ACBD5: variants seen among roughly 807,000 people sequenced by gnomAD.
The protein encoded by ACBD5 is acyl-CoA-binding domain-containing protein 5.
Under a neutral mutation model 71.8 loss-of-function variants are expected in ACBD5, and 40 were observed. That is an observed-to-expected ratio of 0.56 (90% CI 0.43 to 0.72). ACBD5 has a LOEUF of 0.72. Among genes scored for constraint, ACBD5 ranks in the 30% least tolerant of loss-of-function variants. The pLI is 0.00. For missense variants in ACBD5, 559 were observed against 644.5 expected (o/e 0.87, Z 1.44); for synonymous variants, 229 against 218.6 (o/e 1.05, Z -0.42).
intron 10 of ACBD5, among the ~76,000 whole-genome samples, chr10:27,207,105 GT>G (rs1343889532): frequency 6.6e-6 from 1 of 151,502 alleles, no homozygotes; most frequent in Non-Finnish European, 1.5e-5. Flanking sequence ...GTGAAGCCCC[GT>G]CTCTACTAAA....
chr10:27,240,295 A>T lies in ACBD5; in HGVS notation c.181+24T>A. 1 of 1,614,070 alleles carries T rather than the reference A, an allele frequency of 6.2e-7. No homozygotes were observed. The highest frequency in any genetic ancestry group is 1.1e-5 in the South Asian group (1 of 91,084). ...TTGGGGCTCTCTGCAGGAGGCGTCT[A>T]CAGCCGGGGCCCAGCGCACGTACCA... On this transcript the variant is annotated intron_variant, in intron 2 of 12. Coordinates refer to ENST00000396271, the MANE Select transcript of ACBD5 (RefSeq NM_145698.5). The surrounding 1 kb of genome is among the most constrained non-coding windows in gnomAD (Gnocchi z 4.1).
intron 3 of ACBD5, among the ~76,000 whole-genome samples, chr10:27,232,827 A>G (rs2064074503): frequency 6.6e-6 from 1 of 152,198 alleles, no homozygotes; most frequent in Non-Finnish European, 1.5e-5. Flanking sequence ...CTCCATTTTT[A>G]TATGTTTTTC....
At chr10:27,228,815 ATTT>A (rs1167438554) in intron 4 of ACBD5, among the ~76,000 whole-genome samples, 17 of 20,364 alleles carry the variant, frequency 8.3e-4, no homozygotes, top group African/African-American at 1.3e-3. Flanking sequence ...ATATATATAT[ATTT>A]TTTTTTTTTT....
Position 27,231,738 on chromosome 10 carries a change from T to A in ACBD5, c.375+10A>T. 1 of 1,613,086 alleles carries A rather than the reference T, an allele frequency of 6.2e-7. No individual in the cohort carries two copies. The highest frequency in any genetic ancestry group is 1.1e-5 in the South Asian group (1 of 91,076). On this transcript the variant is annotated intron_variant, in intron 4 of 12. Transcript: ENST00000396271. The stretch of plus-strand genomic sequence containing the variant: ...GAATTTTCATTTTAACTGTGAATTA[T>A]TTTCCCTACCTTTTTCATTTCTTCA...
intron 4 of ACBD5, among the ~76,000 whole-genome samples, chr10:27,224,212 A>T (rs1307586229): frequency 6.6e-6 from 1 of 151,792 alleles, no homozygotes; most frequent in East Asian, 1.9e-4. Context: ...CAAAAAAAAA[A>T]AAAAAAATTG....
At chr10:27,214,370 A>G (rs74598478) in intron 8 of ACBD5, among the ~76,000 whole-genome samples, 8,444 of 151,740 alleles carry the variant, frequency 0.056, 735 homozygotes, top group African/African-American at 0.19. Context: ...TATTTATTAT[A>G]TTTTTTATAT....
At chr10:27,183,269 TTTGTTGTTG>T (rs4018758) in intron 13 of ACBD5, among the ~76,000 whole-genome samples, 312 of 150,302 alleles carry the variant, frequency 2.1e-3, no homozygotes, top group African/African-American at 4.7e-3. Flanking sequence ...TTAAAATTCT[TTTGTTGTTG>T]TTGTTGTTGT....
At chr10:27,236,654 C>T (rs2064740589) in intron 2 of ACBD5, among the ~76,000 whole-genome samples, 1 of 151,944 alleles carries the variant, frequency 6.6e-6, no homozygotes, top group Non-Finnish European at 1.5e-5. Flanking sequence ...TTTGGGAGGC[C>T]GAGGCAGGCG....
intron 8 of ACBD5, among the ~76,000 whole-genome samples, chr10:27,214,983 G>A (rs887109089): frequency 6.6e-6 from 1 of 152,146 alleles, no homozygotes; most frequent in South Asian, 2.1e-4. Flanking sequence ...GGCCAACATG[G>A]TGAAACTCTG....
downstream of ACBD5, among the ~76,000 whole-genome samples, chr10:27,192,008 C>T (rs2059101277): frequency 2.0e-5 from 3 of 151,996 alleles, no homozygotes; most frequent in South Asian, 6.2e-4. Context: ...ACAAATGAAA[C>T]TGAAACTCCC....
intron 12 of ACBD5, among the ~76,000 whole-genome samples, chr10:27,198,483 C>A (rs2059583235): frequency 6.6e-6 from 1 of 152,198 alleles, no homozygotes; most frequent in African/African-American, 2.4e-5. Context: ...TTATGCAACT[C>A]CTTTGGCAGG....
At chr10:27,240,798 G>A (rs1321628450), upstream of ACBD5, 11 of 1,484,072 alleles carry the variant, frequency 7.4e-6, no homozygotes, top group African/African-American at 4.2e-5. This position sits in a 1 kb window ranked among gnomAD's most constrained non-coding sequence, Gnocchi z 4.1. Context: ...GAGTCCGTCT[G>A]TCAGTCCGTG....
Position 27,208,247 on chromosome 10 carries a change from T to C in ACBD5, c.1403A>G (p.Gln468Arg), listed in dbSNP as rs771953638. The C allele has an allele frequency of 6.8e-6, 11 of 1,614,178 alleles. No homozygotes were observed. The South Asian group carries it at 1.1e-4, about 16-fold the overall frequency. Reference sequence around the variant, plus strand: ...GGTATGATACATTTGGAAGTTTACCTGCAAAGCAGTCAGCGTTTCCAGTTT... The same window carrying C: ...GGTATGATACATTTGGAAGTTTACCCGCAAAGCAGTCAGCGTTTCCAGTTT... ...LQKLETLTAL[Q>R]AKSSTSTLQT... The change falls in exon 10 of 13, where the codon CAG (glutamine) becomes CGG (arginine). Residue 468 changes from glutamine (Q) to arginine (R), a missense_variant and splice_region_variant. By Grantham distance (43) the Gln-to-Arg change is conservative. Transcript: ENST00000396271.
chr10:27,228,315 C>T (rs1162977815), intron 4 of ACBD5, among the ~76,000 whole-genome samples: 1 of 150,308 alleles, frequency 6.7e-6, no homozygotes, highest in Non-Finnish European at 1.5e-5. Context: ...GTGGCTCATG[C>T]CTATAATCCC....
Position 27,240,282 on chromosome 10 carries a change from G to T in ACBD5, c.181+37C>A, listed in dbSNP as rs1299873763. The T allele has an allele frequency of 1.2e-6, 2 of 1,613,940 alleles. No individual in the cohort carries two copies. The highest frequency in any genetic ancestry group is 2.2e-5 in the South Asian group (2 of 91,054). On this transcript the variant is annotated intron_variant, in intron 2 of 12. Coordinates refer to ENST00000396271, the MANE Select transcript of ACBD5 (RefSeq NM_145698.5). The surrounding 1 kb of genome is among the most constrained non-coding windows in gnomAD (Gnocchi z 4.1). Reference sequence around the variant, plus strand: ...GTGAAAGGGGGCTTTGGGGCTCTCTGCAGGAGGCGTCTACAGCCGGGGCCC... The same window carrying T: ...GTGAAAGGGGGCTTTGGGGCTCTCTTCAGGAGGCGTCTACAGCCGGGGCCC...
intron 13 of ACBD5, among the ~76,000 whole-genome samples, chr10:27,189,588 T>C (rs10829205): frequency 0.6 from 78,126 of 130,032 alleles, 23,075 homozygotes; most frequent in Non-Finnish European, 0.64. Flanking sequence ...CACATGGACA[T>C]AGGAAGGGGA....
intron 4 of ACBD5, among the ~76,000 whole-genome samples, chr10:27,223,861 T>C (rs980054858): frequency 2.0e-5 from 3 of 151,664 alleles, no homozygotes; most frequent in African/African-American, 7.3e-5. Context: ...AGTGAGCCAT[T>C]ATGGCACCAC....
chr10:27,207,378 C>A (rs1342037220), intron 10 of ACBD5, among the ~76,000 whole-genome samples: 2 of 151,998 alleles, frequency 1.3e-5, no homozygotes, highest in African/African-American at 2.4e-5. Flanking sequence ...GAGTAACTTA[C>A]TGATTAGGTA....
chr10:27,238,190 CA>C (rs900071548), intron 2 of ACBD5, among the ~76,000 whole-genome samples: 3 of 152,066 alleles, frequency 2.0e-5, no homozygotes, highest in Non-Finnish European at 2.9e-5. Flanking sequence ...TGTGATCCGC[CA>C]GCCCCGTGAT....
Sources: gnomAD v4.1 joint callset for allele counts (sites outside exome capture counted in the v4.1 genomes callset) on GRCh38, gnomAD v4.1.1 for gene constraint, Gnocchi (gnomAD v3.1) non-coding constraint, MANE v1.5 for transcripts, NCBI Gene and HGNC (gene_info 2026-07-23, HGNC 2026-07-21) for gene names.